The following EEFSEC variants were observed in gnomAD, a reference collection of about 807,000 sequenced individuals.
The protein encoded by EEFSEC is eukaryotic elongation factor, selenocysteine-tRNA specific.
A neutral mutation model predicts 42.1 loss-of-function variants in EEFSEC; 43 were observed. The observed-to-expected ratio is 1.02, with a 90% CI of 0.80 to 1.32. EEFSEC has a LOEUF of 1.32. Ranked by LOEUF, EEFSEC falls within the 40% of genes most tolerant of loss-of-function variation. The pLI, the probability that EEFSEC is intolerant of heterozygous loss-of-function variation, is 0.00. For missense variants in EEFSEC, 745 were observed against 803.6 expected (o/e 0.93, Z 0.88); for synonymous variants, 354 against 339.1 (o/e 1.04, Z -0.48).
chr3:128,233,356 A>C (rs1376977273), intron 1 of EEFSEC, among the ~76,000 whole-genome samples: 1 of 152,280 alleles, frequency 6.6e-6, no homozygotes, highest in Non-Finnish European at 1.5e-5. Flanking sequence ...TTAAACATAC[A>C]TGTGAGTAAA....
At chr3:128,181,355 A>T (rs994443211) in intron 1 of EEFSEC, among the ~76,000 whole-genome samples, 1 of 152,150 alleles carries the variant, frequency 6.6e-6, no homozygotes, top group Non-Finnish European at 1.5e-5. Flanking sequence ...TCCCATCAAG[A>T]CCTACAGCCT....
intron 1 of EEFSEC, among the ~76,000 whole-genome samples, chr3:128,163,710 C>A (rs1477740536): frequency 6.6e-6 from 1 of 151,990 alleles, no homozygotes; most frequent in Non-Finnish European, 1.5e-5. Flanking sequence ...CCATTCGCCC[C>A]TCTCCCAGGC....
rs914950905 is a variant in EEFSEC, at chr3:128,170,810, T to C, written c.316+16987T>C. 2.8e-4 allele frequency among the ~76,000 whole-genome samples: 43 copies of C among 152,234 alleles called. 1 individual carries two copies. Among genetic ancestry groups the C allele is most frequent in the Admixed American group, 2.4e-3 (36 of 15,290 alleles). Reference sequence around the variant, plus strand: ...GTTTCTAAAAGTTTTTAAAAGTACATAATAAGAAAACTTGTTATGGCAACC... The same window carrying C: ...GTTTCTAAAAGTTTTTAAAAGTACACAATAAGAAAACTTGTTATGGCAACC... On this transcript the variant is annotated intron_variant, in intron 1 of 6. Coordinates refer to ENST00000254730, the MANE Select transcript of EEFSEC (RefSeq NM_021937.5).
chr3:128,410,890 C>T (rs571992103), downstream of EEFSEC, among the ~76,000 whole-genome samples: 8 of 152,302 alleles, frequency 5.3e-5, no homozygotes, highest in African/African-American at 9.6e-5. Context: ...CTCAAAGTCC[C>T]GGGAAGGAGG....
intron 3 of EEFSEC, 112 bp downstream of exon 3, chr3:128,262,336 C>T: frequency 2.1e-6 from 2 of 945,016 alleles, no homozygotes; most frequent in Non-Finnish European, 3.3e-6. Context: ...AGCAAGAGGA[C>T]TCAGTTGGTT....
At chr3:128,251,469 A>C (rs2066186064) in intron 2 of EEFSEC, among the ~76,000 whole-genome samples, 1 of 152,236 alleles carries the variant, frequency 6.6e-6, no homozygotes, top group African/African-American at 2.4e-5. Context: ...ATTTTAAACT[A>C]TACTTGAAAC....
intron 1 of EEFSEC, among the ~76,000 whole-genome samples, chr3:128,246,226 GCA>G: frequency 1.8e-5 from 1 of 54,590 alleles, no homozygotes; most frequent in Non-Finnish European, 4.2e-5. Flanking sequence ...TCACAAGCGT[GCA>G]CGCACACACA....
At chr3:128,415,481 G>A in the EEFSEC span, among the ~76,000 whole-genome samples, 1 of 142,428 alleles carries the variant, frequency 7.0e-6, no homozygotes, top group East Asian at 2.2e-4. Context: ...GATGCAGAGC[G>A]ATGATAGGGT....
chr3:128,260,804 A>G (rs887913582), intron 2 of EEFSEC, among the ~76,000 whole-genome samples: 3 of 152,170 alleles, frequency 2.0e-5, no homozygotes, highest in Non-Finnish European at 4.4e-5. Flanking sequence ...CCTTTGGTTA[A>G]TTTCCAGAGT....
chr3:128,232,606 A>G (rs1347462929), intron 1 of EEFSEC, among the ~76,000 whole-genome samples: 1 of 152,256 alleles, frequency 6.6e-6, no homozygotes, highest in African/African-American at 2.4e-5. Context: ...CAGAAACTGT[A>G]CATTTTAAGG....
chr3:128,199,827 A>G (rs1391556099), intron 1 of EEFSEC, among the ~76,000 whole-genome samples: 2 of 152,056 alleles, frequency 1.3e-5, no homozygotes, highest in Non-Finnish European at 2.9e-5. Context: ...TCTGCCTCCC[A>G]GGTTCAAGTG....
intron 4 of EEFSEC, among the ~76,000 whole-genome samples, chr3:128,284,080 G>A (rs2107971649): frequency 6.6e-6 from 1 of 152,238 alleles, no homozygotes; most frequent in East Asian, 1.9e-4. Context: ...CATGAGCCTT[G>A]GCAGAGTCAT....
intron 1 of EEFSEC, among the ~76,000 whole-genome samples, chr3:128,187,750 C>T (rs895409173): frequency 6.6e-6 from 1 of 152,130 alleles, no homozygotes; most frequent in African/African-American, 2.4e-5. Context: ...TACAATACAC[C>T]AGAGGGTTTC....
chr3:128,257,144 T>C (rs2066249449), intron 2 of EEFSEC, among the ~76,000 whole-genome samples: 1 of 152,198 alleles, frequency 6.6e-6, no homozygotes, highest in African/African-American at 2.4e-5. Flanking sequence ...GCAGCAACTG[T>C]GATCATTCTG....
the EEFSEC span, among the ~76,000 whole-genome samples, chr3:128,422,134 A>G: frequency 0.023 from 3,556 of 152,122 alleles, 440 homozygotes; most frequent in East Asian, 0.37. Flanking sequence ...GCCTGTCCCT[A>G]TGGCCCTGGG....
intron 1 of EEFSEC, among the ~76,000 whole-genome samples, chr3:128,209,451 A>G (rs1305961239): frequency 6.6e-6 from 1 of 152,192 alleles, no homozygotes; most frequent in Non-Finnish European, 1.5e-5. Flanking sequence ...GGTATGGGCC[A>G]GCTTCTGGGA....
chr3:128,159,857 C>G (rs764698934), intron 1 of EEFSEC, among the ~76,000 whole-genome samples: 39 of 152,202 alleles, frequency 2.6e-4, no homozygotes, highest in Non-Finnish European at 4.6e-4. Context: ...TTCTCATGTC[C>G]CTGTTTCATT....
chr3:128,421,940 G>A, the EEFSEC span, among the ~76,000 whole-genome samples: 10 of 152,276 alleles, frequency 6.6e-5, no homozygotes, highest in East Asian at 1.2e-3. Flanking sequence ...GCACTCCCCC[G>A]GCCGACTGAT....
intron 1 of EEFSEC, among the ~76,000 whole-genome samples, chr3:128,176,084 A>C (rs1254522817): frequency 1.3e-5 from 2 of 152,232 alleles, no homozygotes; most frequent in African/African-American, 4.8e-5. Flanking sequence ...TATACTCTGT[A>C]AGTGGTGTTA....
Sources: allele counts gnomAD v4.1 joint callset (sites outside exome capture counted in the v4.1 genomes callset), GRCh38; gene constraint gnomAD v4.1.1; transcripts MANE v1.5; gene names NCBI Gene and HGNC (gene_info 2026-07-23, HGNC 2026-07-21).